The following OSBP2 variants were observed in gnomAD, a reference collection of about 807,000 sequenced individuals.
The protein encoded by OSBP2 is oxysterol binding protein 2.
OSBP2 carries 66 observed loss-of-function variants against 96.0 expected under a neutral mutation model. The observed-to-expected ratio is 0.69, with a 90% CI of 0.56 to 0.84. The LOEUF (loss-of-function observed/expected upper bound fraction) is 0.84, where lower values mean the gene tolerates loss of function less well. OSBP2 is among the 40% of genes least tolerant of loss of function. OSBP2 has a pLI of 0.00. For synonymous variants in OSBP2, 525 were observed against 520.9 expected, an observed-to-expected ratio of 1.01 and a Z score of -0.11; for missense variants, 1,038 against 1,222.7, an observed-to-expected ratio of 0.85 and a Z score of 2.25.
chr22:30,695,909 G>A (rs750294785), intron 1 of OSBP2, among the ~76,000 whole-genome samples: 5 of 152,096 alleles, frequency 3.3e-5, no homozygotes, highest in Non-Finnish European at 5.9e-5. Context: ...TTTCTGGTTC[G>A]GGAGCTAACA....
At chr22:30,780,135 G>A (rs2090497039) in intron 2 of OSBP2, among the ~76,000 whole-genome samples, 1 of 152,222 alleles carries the variant, frequency 6.6e-6, no homozygotes, top group Admixed American at 6.5e-5. Context: ...AGTCCTTGAG[G>A]GGCCCACAGC....
intron 2 of OSBP2, among the ~76,000 whole-genome samples, chr22:30,825,656 G>A (rs2038385632): frequency 6.6e-6 from 1 of 152,206 alleles, no homozygotes; most frequent in Non-Finnish European, 1.5e-5. Context: ...TGGACTCATG[G>A]ATCTTTTCTG....
In OSBP2 at chr22:30,730,611, A is replaced by G. The variant is rs574766040; in HGVS notation, c.645-10550A>G. ...GGGAATTTCACAGTGAATCAGGGTC[A>G]CCTTGAGCTTGCATTGAATGGAAGT... is the stretch of plus-strand genomic sequence containing the variant. On this transcript the variant is annotated intron_variant, in intron 1 of 13. Transcript: ENST00000332585. Among the ~76,000 whole-genome samples the G allele has an allele frequency of 5.3e-5, 8 of 151,360 alleles. 1 individual carries two copies. Among genetic ancestry groups the G allele is most frequent in the African/African-American group, 1.9e-4 (8 of 41,238 alleles).
At chr22:30,801,352 A>T (rs527978142) in intron 2 of OSBP2, among the ~76,000 whole-genome samples, 1 of 152,348 alleles carries the variant, frequency 6.6e-6, no homozygotes, top group African/African-American at 2.4e-5. Context: ...AAGGTACCAT[A>T]TGTGGCATGT....
chr22:30,819,903 T>A (rs4443), intron 2 of OSBP2, among the ~76,000 whole-genome samples: 1 of 152,002 alleles, frequency 6.6e-6, no homozygotes, highest in East Asian at 1.9e-4. Context: ...TCAGCTCCTC[T>A]GCCCTCCTCT....
intron 5 of OSBP2, 41 bp from the exon 6 acceptor site, chr22:30,889,136 C>G: frequency 1.3e-6 from 2 of 1,578,298 alleles, no homozygotes; most frequent in Non-Finnish European, 1.7e-6. Context: ...AAGGAGACCT[C>G]GGGATTCATT....
At chr22:30,848,637 A>G (rs1298399503) in intron 2 of OSBP2, among the ~76,000 whole-genome samples, 1 of 152,176 alleles carries the variant, frequency 6.6e-6, no homozygotes, top group Non-Finnish European at 1.5e-5. Context: ...TTTATGCACT[A>G]TAGTTTTACT....
At chr22:30,849,080 A>G (rs138021664) in intron 2 of OSBP2, among the ~76,000 whole-genome samples, 1,722 of 152,230 alleles carry the variant, frequency 0.011, 23 homozygotes, top group Non-Finnish European at 0.016. Context: ...CAGCCTGGCC[A>G]ACATAACAGT....
chr22:30,859,154 T>C (rs2039153957), intron 2 of OSBP2, among the ~76,000 whole-genome samples: 1 of 151,978 alleles, frequency 6.6e-6, no homozygotes, highest in Non-Finnish European at 1.5e-5. Flanking sequence ...TTTAGTATGA[T>C]TACCGGGGCA....
chr22:30,701,186 G>A (rs2089155030), intron 1 of OSBP2, among the ~76,000 whole-genome samples: 1 of 151,716 alleles, frequency 6.6e-6, no homozygotes, highest in South Asian at 2.1e-4. Context: ...GGTAACAGAA[G>A]ATGGCACACC....
At chr22:30,753,769 G>A (rs1215185577) in intron 2 of OSBP2, among the ~76,000 whole-genome samples, 1 of 152,180 alleles carries the variant, frequency 6.6e-6, no homozygotes, top group Non-Finnish European at 1.5e-5. Flanking sequence ...CCAGGAGAAG[G>A]GCATATTTGC....
intron 2 of OSBP2, among the ~76,000 whole-genome samples, chr22:30,813,173 T>C (rs2091033649): frequency 3.2e-5 from 3 of 94,052 alleles, no homozygotes; most frequent in African/African-American, 1.2e-4. Context: ...GTTGCATTCT[T>C]TTTTTTTTTT....
intron 1 of OSBP2, among the ~76,000 whole-genome samples, chr22:30,714,348 A>G (rs1050041254): frequency 3.9e-5 from 6 of 152,114 alleles, no homozygotes; most frequent in Non-Finnish European, 7.4e-5. Context: ...GCTATTGTGA[A>G]TAGTTCTACA....
intron 2 of OSBP2, among the ~76,000 whole-genome samples, chr22:30,756,871 G>T (rs754400888): frequency 6.6e-6 from 1 of 152,110 alleles, no homozygotes; most frequent in Non-Finnish European, 1.5e-5. Flanking sequence ...TCAGGCAGGG[G>T]TGATAGGGCC....
intron 2 of OSBP2, among the ~76,000 whole-genome samples, chr22:30,818,920 C>T (rs765484309): frequency 2.0e-5 from 3 of 152,158 alleles, no homozygotes; most frequent in Admixed American, 6.5e-5. Flanking sequence ...CAGCTGCCCC[C>T]GGGATTGCCA....
At chr22:30,716,171 A>G (rs1442803198) in intron 1 of OSBP2, among the ~76,000 whole-genome samples, 1 of 150,732 alleles carries the variant, frequency 6.6e-6, no homozygotes, top group Non-Finnish European at 1.5e-5. Flanking sequence ...CCTCCTGAGT[A>G]GCTGTGATTA....
At chr22:30,854,001 C>T (rs1279490205) in intron 2 of OSBP2, among the ~76,000 whole-genome samples, 5 of 152,088 alleles carry the variant, frequency 3.3e-5, no homozygotes, top group South Asian at 4.1e-4. Context: ...CCTCATCATC[C>T]GCCCACCTCG....
intron 3 of OSBP2, 88 bp from the exon 4 acceptor site, chr22:30,887,338 A>T: frequency 9.1e-7 from 1 of 1,103,198 alleles, no homozygotes; most frequent in Non-Finnish European, 1.3e-6. Context: ...GCTCCTGTTT[A>T]AGGTGGAGTT....
chr22:30,905,706 G>T, intron 12 of OSBP2, 131 bp from the exon 13 acceptor site: 1 of 1,363,056 alleles, frequency 7.3e-7, no homozygotes, highest in Non-Finnish European at 9.9e-7. Context: ...AGGCCAGAGG[G>T]AGTCCTGGAC....
Sources: allele counts gnomAD v4.1 joint callset (sites outside exome capture counted in the v4.1 genomes callset), GRCh38; gene constraint gnomAD v4.1.1; transcripts MANE v1.5; gene names NCBI Gene and HGNC (gene_info 2026-07-23, HGNC 2026-07-21).